ZNF600: variants seen among roughly 807,000 people sequenced by gnomAD.
ZNF600 encodes the protein zinc finger protein KR-ZNF1.
ZNF600 carries 4 observed loss-of-function variants against 7.3 expected under a neutral mutation model. The ratio of observed to expected loss-of-function variants is 0.55; its 90% CI spans 0.27 to 1.25. The LOEUF is 1.25. Among genes scored for constraint, ZNF600 ranks in the 50% most tolerant of loss-of-function variants. The pLI, the probability that ZNF600 is intolerant of heterozygous loss-of-function variation, is 0.12. For missense variants in ZNF600, 911 were observed against 922.1 expected (o/e 0.99, Z 0.16); for synonymous variants, 290 against 308.9 (o/e 0.94, Z 0.64).
At chr19:52,795,225 T>C in the ZNF600 span, among the ~76,000 whole-genome samples, 13 of 152,068 alleles carry the variant, frequency 8.5e-5, no homozygotes, top group Admixed American at 2.6e-4. Context: ...TCAGATGACA[T>C]AAAGAAAATG....
At chr19:52,818,587 G>C in the ZNF600 span, among the ~76,000 whole-genome samples, 1 of 152,096 alleles carries the variant, frequency 6.6e-6, no homozygotes, top group Non-Finnish European at 1.5e-5. Flanking sequence ...ATGCGCATCT[G>C]TAATCCCAGC....
intron 3 of ZNF600, among the ~76,000 whole-genome samples, chr19:52,769,626 C>T (rs1487891624): frequency 3.3e-5 from 5 of 152,160 alleles, no homozygotes; most frequent in South Asian, 2.1e-4. Context: ...AGTGGTCCCC[C>T]GGGCCCAGCT....
At chr19:52,797,591 A>G in the ZNF600 span, 1 of 152,858 alleles carries the variant, frequency 6.5e-6, no homozygotes, top group Non-Finnish European at 1.5e-5. Flanking sequence ...AAATAAAATT[A>G]AAAACCACTT....
At chr19:52,774,769 GA>G (rs1367627570) in intron 2 of ZNF600, 68 bp from the exon 5 acceptor site, 1 of 985,314 alleles carries the variant, frequency 1.0e-6, no homozygotes, top group East Asian at 1.1e-4. Context: ...TGGGAAATGA[GA>G]AAAGAGAAAA....
At chr19:52,800,483 A>G in the ZNF600 span, 2 of 1,613,604 alleles carry the variant, frequency 1.2e-6, no homozygotes, top group Non-Finnish European at 1.7e-6. Context: ...GATGGCGTGC[A>G]AGAGTTGATT....
At chr19:52,821,245 A>G in the ZNF600 span, among the ~76,000 whole-genome samples, 168 of 151,732 alleles carry the variant, frequency 1.1e-3, 2 homozygotes, top group East Asian at 4.7e-3. Context: ...ACCCAGGAGG[A>G]TGAGGCTGGG....
At chr19:52,786,203 A>AC (rs2062762053) in intron 1 of ZNF600, among the ~76,000 whole-genome samples, 1 of 69,816 alleles carries the variant, frequency 1.4e-5, no homozygotes, top group African/African-American at 5.4e-5. Context: ...AGCCCCTGCG[A>AC]CCCACCCCAA....
the ZNF600 span, among the ~76,000 whole-genome samples, chr19:52,794,714 G>T: frequency 0.016 from 2,446 of 152,214 alleles, 33 homozygotes; most frequent in Non-Finnish European, 0.026. Context: ...AATTAGCCAG[G>T]TCTGGTGGTG....
At chr19:52,831,679 T>C in the ZNF600 span, among the ~76,000 whole-genome samples, 1 of 152,144 alleles carries the variant, frequency 6.6e-6, no homozygotes, top group East Asian at 1.9e-4. Flanking sequence ...ATTTTTTTTG[T>C]ATTTTTATTA....
the ZNF600 span, among the ~76,000 whole-genome samples, chr19:52,829,399 A>T: frequency 3.3e-5 from 4 of 122,718 alleles, no homozygotes; most frequent in Admixed American, 2.3e-4. Flanking sequence ...TTTGAGAAAG[A>T]GTTTCACTCT....
At chr19:52,820,179 G>A in the ZNF600 span, among the ~76,000 whole-genome samples, 3 of 105,458 alleles carry the variant, frequency 2.8e-5, no homozygotes, top group Non-Finnish European at 5.7e-5. Context: ...CTGCAGTGGC[G>A]CAATCTCGGC....
upstream of ZNF600, among the ~76,000 whole-genome samples, chr19:52,791,159 A>G (rs532882069): frequency 6.6e-6 from 1 of 152,358 alleles, no homozygotes; most frequent in African/African-American, 2.4e-5. Context: ...GGTTTCTCTG[A>G]TCTCATCCAC....
At chr19:52,821,959 A>G in the ZNF600 span, among the ~76,000 whole-genome samples, 2 of 118,240 alleles carry the variant, frequency 1.7e-5, no homozygotes, top group Non-Finnish European at 1.7e-5. Flanking sequence ...TGTGCGAGAC[A>G]GGGATACAAC....
the ZNF600 span, chr19:52,817,934 A>G: frequency 6.2e-7 from 1 of 1,610,582 alleles, no homozygotes; most frequent in African/African-American, 1.3e-5. Flanking sequence ...CACCGAGAAT[A>G]CCATCTCACC....
At chr19:52,776,275 T>C (rs1727198745) in intron 2 of ZNF600, among the ~76,000 whole-genome samples, 1 of 151,900 alleles carries the variant, frequency 6.6e-6, no homozygotes, top group African/African-American at 2.4e-5. Flanking sequence ...AAGTAACAGA[T>C]ACAGCTTTAA....
rs8106807 is a variant in ZNF600 at position 52,768,396 on chromosome 19, C to T, written c.191-624G>A. Among the ~76,000 whole-genome samples, 609 of 148,742 alleles carry T rather than the reference C, an allele frequency of 4.1e-3. 4 individuals are homozygous for T. Among genetic ancestry groups the T allele is most frequent in the African/African-American group, 0.015 (588 of 40,360 alleles). On this transcript the variant is annotated intron_variant, in intron 3 of 3. Transcript: ENST00000648973. ...CAGAGGTTGCGGTGAGGCAAGATTG[C>T]ACCTCTGCACTCCAGCCTGGGTGAC...
At chr19:52,787,401 CTTT>C (rs1167453014), upstream of ZNF600, among the ~76,000 whole-genome samples, 4 of 114,832 alleles carry the variant, frequency 3.5e-5, no homozygotes, top group South Asian at 5.8e-4. Flanking sequence ...CGCTCTTTTA[CTTT>C]TTTTTTTTTT....
chr19:52,765,637 A>G lies in ZNF600; in HGVS notation c.2326T>C (p.Ser776Pro), dbSNP rs754449382. Residue 776 changes from serine to proline, a missense_variant, in exon 4 of 4, where the codon TCA becomes CCA. Coordinates refer to ENST00000648973, the Ensembl canonical transcript of ZNF600. ...ACTGCCTGATGGTGAATAAGTGTTG[A>G]CTGCTTGCTAAAGGCTTTGCCACAC... 5 of 1,613,970 alleles carry G rather than the reference A, an allele frequency of 3.1e-6. No homozygotes were observed. Among genetic ancestry groups the G allele is most frequent in the Non-Finnish European group, 4.2e-6 (5 of 1,179,874 alleles).
the ZNF600 span, among the ~76,000 whole-genome samples, chr19:52,824,311 G>A: frequency 1.3e-5 from 2 of 152,078 alleles, no homozygotes; most frequent in Admixed American, 1.3e-4. Context: ...TTGGCTGACA[G>A]TCTAACACAA....
Sources: gnomAD v4.1 joint callset for allele counts (sites outside exome capture counted in the v4.1 genomes callset) on GRCh38, gnomAD v4.1.1 for gene constraint, MANE v1.5 for transcripts, NCBI Gene and HGNC (gene_info 2026-07-23, HGNC 2026-07-21) for gene names.